The following CCDC81 variants were observed in gnomAD, a reference collection of about 807,000 sequenced individuals.
CCDC81 encodes the protein coiled-coil domain-containing protein 81.
Under a neutral mutation model 83.7 loss-of-function variants are expected in CCDC81, and 79 were observed. The observed-to-expected ratio is 0.94, with a 90% confidence interval of 0.79 to 1.14. The LOEUF is 1.14. CCDC81 is among the 50% of genes most tolerant of loss of function. The pLI, the probability that CCDC81 is intolerant of heterozygous loss-of-function variation, is 0.00. For synonymous variants in CCDC81, 252 were observed against 278.1 expected (o/e 0.91, Z 0.93); for missense variants, 791 against 778.1 (o/e 1.02, Z -0.20).
At chr11:86,414,638 T>A in intron 11 of CCDC81, 151 bp from the exon 12 acceptor site, 2 of 604,858 alleles carry the variant, frequency 3.3e-6, no homozygotes, top group East Asian at 5.8e-5. Flanking sequence ...TTTTCTTTCT[T>A]AAAATGAAAG....
At chr11:86,390,593 G>A (rs763731138) in intron 3 of CCDC81, among the ~76,000 whole-genome samples, 5 of 152,178 alleles carry the variant, frequency 3.3e-5, no homozygotes, top group Admixed American at 2.0e-4. Context: ...AAGCCTGAAC[G>A]AAGACAGTGA....
chr11:86,388,320 C>A (rs1948276564), intron 3 of CCDC81, among the ~76,000 whole-genome samples: 1 of 152,008 alleles, frequency 6.6e-6, no homozygotes, highest in African/African-American at 2.4e-5. Flanking sequence ...TAGGCATAAT[C>A]CCTGCCACAG....
chr11:86,412,337 C>T (rs749230060), intron 10 of CCDC81, 50 bp from the exon 11 acceptor site: 1 of 1,357,234 alleles, frequency 7.4e-7, no homozygotes. Flanking sequence ...AATTATTAAC[C>T]TTGTTTTTCA....
intron 1 of CCDC81, among the ~76,000 whole-genome samples, chr11:86,376,893 C>G (rs1421552739): frequency 6.6e-6 from 1 of 152,168 alleles, no homozygotes; most frequent in Non-Finnish European, 1.5e-5. Context: ...TGACATGTAT[C>G]TATCATTATA....
chr11:86,407,227 T>C (rs1295701715), intron 7 of CCDC81, among the ~76,000 whole-genome samples: 1 of 152,256 alleles, frequency 6.6e-6, no homozygotes, highest in Admixed American at 6.5e-5. Flanking sequence ...GTTAATTCCA[T>C]GAGGGCAGGG....
At chr11:86,377,487 T>G (rs2138483243) in intron 1 of CCDC81, among the ~76,000 whole-genome samples, 1 of 152,314 alleles carries the variant, frequency 6.6e-6, no homozygotes, top group Middle Eastern at 3.4e-3. Context: ...TTTTAGATTT[T>G]GGTCATTCTA....
At chr11:86,398,848 C>T (rs1046036822) in intron 6 of CCDC81, among the ~76,000 whole-genome samples, 1 of 152,212 alleles carries the variant, frequency 6.6e-6, no homozygotes, top group Non-Finnish European at 1.5e-5. Context: ...GCTACAATTA[C>T]AGGTGGGAGC....
chr11:86,385,570 A>T (rs1159777362), intron 1 of CCDC81, among the ~76,000 whole-genome samples: 1 of 152,202 alleles, frequency 6.6e-6, no homozygotes, highest in African/African-American at 2.4e-5. Context: ...CAAAAATAGA[A>T]GTGTAGGAAA....
rs779485300 is a variant in CCDC81 at position 86,408,269 on chromosome 11, A to G, written c.1112A>G (p.Gln371Arg). Residue 371 changes from glutamine to arginine, a missense_variant and splice_region_variant, in exon 9 of 15, where the codon CAG (glutamine) becomes CGG (arginine). Physicochemically the swap from Gln to Arg is conservative, Grantham distance 43 (BLOSUM62 1). Coordinates refer to ENST00000445632, the MANE Select transcript of CCDC81 (RefSeq NM_001156474.2). ...GATCAGGAGGCTCTCTTCAGACACC[A>G]GGTAGTCCAACACCTCGATTAGTCT... ...LKDQEALFRH[Q>R]MKSLATREQN... The G allele has an allele frequency of 7.5e-6, 12 of 1,609,742 alleles. No homozygotes were observed. The highest frequency in any genetic ancestry group is 9.3e-6 in the Non-Finnish European group (11 of 1,178,610).
chr11:86,379,156 G>T (rs1285286907), intron 1 of CCDC81, among the ~76,000 whole-genome samples: 2 of 151,664 alleles, frequency 1.3e-5, no homozygotes, highest in African/African-American at 4.9e-5. Context: ...GAGTGCAGTG[G>T]TGTGATCTTG....
chr11:86,401,500 T>C (rs755136338), intron 7 of CCDC81, among the ~76,000 whole-genome samples: 5 of 152,200 alleles, frequency 3.3e-5, no homozygotes, highest in Admixed American at 3.3e-4. Flanking sequence ...ACTAAAGTCA[T>C]GTTAAAAACT....
At chr11:86,375,500 T>C (rs148019047) in intron 1 of CCDC81, among the ~76,000 whole-genome samples, 2 of 152,134 alleles carry the variant, frequency 1.3e-5, no homozygotes, top group African/African-American at 4.8e-5. Flanking sequence ...AAGTAAGTGC[T>C]CAATAAAGGT....
rs61157417 is a variant in CCDC81 at position 86,377,968 on chromosome 11, C to CTTTTTTTTTTTTTTTTTTTTTTTTT, written c.79+2748_79+2749insTTTTTTTTTTTTTTTTTTTTTTTTT. Among the ~76,000 whole-genome samples, 3 of 73,350 alleles carry CTTTTTTTTTTTTTTTTTTTTTTTTT rather than the reference C, an allele frequency of 4.1e-5. 1 individual carries two copies. Among genetic ancestry groups the CTTTTTTTTTTTTTTTTTTTTTTTTT allele is most frequent in the African/African-American group, 1.6e-4 (3 of 19,198 alleles). The allele number at this position is 73,350 out of a possible 152,430, so 48.1% of individuals were successfully genotyped here. The stretch of plus-strand genomic sequence containing the variant: ...AAGGTGTAAGGTCTGTGCCTAGGTT[C>CTTTTTTTTTTTTTTTTTTTTTTTTT]TTTTTTTTTTTTTTTTTTTTTTGCA... On this transcript the variant is annotated intron_variant, in intron 1 of 14. Coordinates refer to ENST00000445632, the MANE Select transcript of CCDC81 (RefSeq NM_001156474.2).
rs768373717 is a variant in CCDC81 at position 86,395,298 on chromosome 11, G to A, written c.556-36G>A. 1.9e-6 allele frequency: 3 copies of A among 1,573,944 alleles called. No individual in the cohort carries two copies. The African/African-American group carries it at 4.1e-5, about 21-fold the overall frequency. ...TAATTTGTCTGAGTCCTGGACCTCA[G>A]CCTAGATGTAACCTTGCTCTGTTGC... On this transcript the variant is annotated intron_variant, in intron 4 of 14. Coordinates refer to ENST00000445632, the MANE Select transcript of CCDC81 (RefSeq NM_001156474.2).
At chr11:86,421,482 T>C (rs1948789443) in intron 14 of CCDC81, among the ~76,000 whole-genome samples, 1 of 152,102 alleles carries the variant, frequency 6.6e-6, no homozygotes, top group African/African-American at 2.4e-5. Flanking sequence ...GCTAATTTTT[T>C]GTGTTTTTTA....
At chr11:86,415,370 T>C (rs1948703422) in intron 13 of CCDC81, 57 bp downstream of exon 13, 2 of 1,406,178 alleles carry the variant, frequency 1.4e-6, no homozygotes, top group Non-Finnish European at 2.0e-6. Context: ...CCGCTTCCTT[T>C]ATCTCTCTTT....
intron 7 of CCDC81, among the ~76,000 whole-genome samples, chr11:86,405,985 G>T (rs1593931422): frequency 6.6e-6 from 1 of 151,864 alleles, no homozygotes; most frequent in Non-Finnish European, 1.5e-5. Flanking sequence ...CTGGTCTCGA[G>T]CTCCTGACCT....
chr11:86,404,343 C>T (rs924781373), intron 7 of CCDC81, among the ~76,000 whole-genome samples: 4 of 152,132 alleles, frequency 2.6e-5, no homozygotes, highest in African/African-American at 7.2e-5. Flanking sequence ...ACAGTTTCAC[C>T]GAAACACTGC....
chr11:86,380,033 T>C (rs1305615460), intron 1 of CCDC81, among the ~76,000 whole-genome samples: 2 of 125,674 alleles, frequency 1.6e-5, no homozygotes, highest in African/African-American at 7.4e-5. Flanking sequence ...CCTTCTTCGA[T>C]GGTCTTCCCT....
Sources: gnomAD v4.1 joint callset for allele counts (sites outside exome capture counted in the v4.1 genomes callset) on GRCh38, gnomAD v4.1.1 for gene constraint, MANE v1.5 for transcripts, NCBI Gene and HGNC (gene_info 2026-07-23, HGNC 2026-07-21) for gene names.